Variants in ELMO1 observed in about 807,000 individuals in gnomAD.
The protein encoded by ELMO1 is engulfment and cell motility protein 1.
In ELMO1, 26 loss-of-function variants were observed where a neutral mutation model predicts 98.9. That is an observed-to-expected ratio of 0.26 (90% CI 0.19 to 0.36). The LOEUF (loss-of-function observed/expected upper bound fraction) is 0.36. ELMO1 is among the 10% of genes least tolerant of loss of function. The pLI, the probability that ELMO1 is intolerant of heterozygous loss-of-function variation, is 1.00. For synonymous variants in ELMO1, 346 were observed against 346.0 expected (o/e 1.00, Z 0.00); for missense variants, 627 against 935.2 (o/e 0.67, Z 4.30).
chr7:36,953,867 G>A (rs1488691017), intron 16 of ELMO1, among the ~76,000 whole-genome samples: 1 of 149,584 alleles, frequency 6.7e-6, no homozygotes, highest in Non-Finnish European at 1.5e-5. Context: ...GTGTGTGTGT[G>A]TGTGTGTGTG....
intron 15 of ELMO1, among the ~76,000 whole-genome samples, chr7:37,046,089 C>A (rs916027171): frequency 6.6e-6 from 1 of 152,216 alleles, no homozygotes; most frequent in African/African-American, 2.4e-5. Flanking sequence ...ACCATATCCA[C>A]CTTTACCTAC....
rs1048844794 is a variant in ELMO1 at position 36,861,640 on chromosome 7, T to C, written c.1983+19A>G. 3.1e-6 allele frequency: 5 copies of C among 1,605,658 alleles called. No homozygotes were observed. Among genetic ancestry groups the C allele is most frequent in the Non-Finnish European group, 3.4e-6 (4 of 1,175,576 alleles). ...AAAGATAACATTATCTCATAAATTA[T>C]CACCCCCGAGACCCTTACCTCATGC... On this transcript the variant is annotated intron_variant, in intron 21 of 21. Coordinates refer to ENST00000310758, the MANE Select transcript of ELMO1 (RefSeq NM_014800.11).
At chr7:37,206,886 G>T (rs1792657052) in intron 13 of ELMO1, among the ~76,000 whole-genome samples, 1 of 150,990 alleles carries the variant, frequency 6.6e-6, no homozygotes, top group African/African-American at 2.4e-5. Context: ...GGAAAACAAA[G>T]CAGCTAGAAA....
intron 13 of ELMO1, among the ~76,000 whole-genome samples, chr7:37,159,822 T>G (rs563697652): frequency 6.6e-6 from 1 of 152,220 alleles, no homozygotes; most frequent in Non-Finnish European, 1.5e-5. Flanking sequence ...TGTGCTATTT[T>G]ATTAATAGTC....
chr7:37,224,729 A>C (rs1793773090), intron 9 of ELMO1, 150 bp downstream of exon 9: 2 of 1,148,594 alleles, frequency 1.7e-6, no homozygotes, highest in Non-Finnish European at 2.5e-6. Flanking sequence ...ATGCCATTCC[A>C]GTGTGACACG....
intron 5 of ELMO1, among the ~76,000 whole-genome samples, chr7:37,264,374 C>A: frequency 6.6e-6 from 1 of 152,070 alleles, no homozygotes; most frequent in East Asian, 1.9e-4. Context: ...CACACATTTG[C>A]ATACAAATGG....
intron 12 of ELMO1, among the ~76,000 whole-genome samples, chr7:37,211,924 T>C (rs1312240195): frequency 2.0e-5 from 3 of 152,226 alleles, no homozygotes; most frequent in African/African-American, 4.8e-5. Context: ...AGTTACTTCA[T>C]GGAAACCAAC....
chr7:37,084,381 G>C (rs1026344956), intron 15 of ELMO1, among the ~76,000 whole-genome samples: 1 of 152,204 alleles, frequency 6.6e-6, no homozygotes, highest in South Asian at 2.1e-4. Flanking sequence ...CTTATTAAAT[G>C]CAGACTACAT....
chr7:37,248,767 A>G (rs935874484), intron 6 of ELMO1, among the ~76,000 whole-genome samples: 6 of 152,262 alleles, frequency 3.9e-5, no homozygotes, highest in African/African-American at 1.4e-4. Context: ...GGCAGCAAGT[A>G]GATGAATCGC....
intron 13 of ELMO1, among the ~76,000 whole-genome samples, chr7:37,166,678 T>A (rs1351355876): frequency 6.6e-6 from 1 of 152,236 alleles, no homozygotes; most frequent in Non-Finnish European, 1.5e-5. Flanking sequence ...TGAGTTCTAG[T>A]TTGATTGCAC....
chr7:37,204,318 T>C (rs1792478649), intron 13 of ELMO1: 1 of 434,990 alleles, frequency 2.3e-6, no homozygotes, highest in African/African-American at 2.0e-5. Context: ...GTTTCTTCCT[T>C]CTGGTGGGTT....
intron 13 of ELMO1, among the ~76,000 whole-genome samples, chr7:37,207,986 G>A (rs1006085436): frequency 1.3e-5 from 2 of 152,232 alleles, no homozygotes; most frequent in Non-Finnish European, 2.9e-5. Flanking sequence ...TTGGGATGTT[G>A]TGCTGAGAAG....
chr7:37,138,906 T>C, intron 13 of ELMO1, among the ~76,000 whole-genome samples: 1 of 152,172 alleles, frequency 6.6e-6, no homozygotes, highest in African/African-American at 2.4e-5. Flanking sequence ...CCAGGGATGC[T>C]GGGATGGTTT....
intron 16 of ELMO1, among the ~76,000 whole-genome samples, chr7:36,978,467 A>G (rs895806770): frequency 6.6e-6 from 1 of 152,016 alleles, no homozygotes; most frequent in African/African-American, 2.4e-5. Context: ...TGTGGAGAAG[A>G]AAGTCATCAA....
At chr7:37,132,173 G>A (rs566005942) in intron 14 of ELMO1, among the ~76,000 whole-genome samples, 1 of 152,314 alleles carries the variant, frequency 6.6e-6, no homozygotes, top group South Asian at 2.1e-4. Context: ...GATGATGATA[G>A]TGCCAGGCTC....
chr7:37,345,473 A>G (rs988546468), intron 1 of ELMO1, among the ~76,000 whole-genome samples: 7 of 152,012 alleles, frequency 4.6e-5, no homozygotes, highest in African/African-American at 1.7e-4. Context: ...ACACTTTGAG[A>G]CTGAGGCGGG....
intron 13 of ELMO1, among the ~76,000 whole-genome samples, chr7:37,170,038 A>C (rs1790044089): frequency 6.6e-6 from 1 of 152,038 alleles, no homozygotes; most frequent in Non-Finnish European, 1.5e-5. Context: ...AGTAGCTGCG[A>C]TTATAAGCAC....
chr7:36,932,694 A>G (rs986341286), intron 16 of ELMO1, among the ~76,000 whole-genome samples: 1 of 152,172 alleles, frequency 6.6e-6, no homozygotes, highest in Non-Finnish European at 1.5e-5. Flanking sequence ...ATGAGATCTG[A>G]TTTCATTCTT....
chr7:36,870,886 T>C lies in ELMO1; in HGVS notation c.1823-411A>G, dbSNP rs77848639. On this transcript the variant is annotated intron_variant, in intron 19 of 21. Coordinates refer to ENST00000310758, the MANE Select transcript of ELMO1 (RefSeq NM_014800.11). This position sits in a 1 kb window ranked among gnomAD's most constrained non-coding sequence, Gnocchi z 4.4. ...CAAGAGCAATGCCAAGTGCTTTACA[T>C]ATATCAGTGTCTCTTGTTACAGCAT... Among the ~76,000 whole-genome samples, 1,531 of 152,348 alleles carry C rather than the reference T, an allele frequency of 0.01. 33 individuals carry two copies. The highest frequency in any genetic ancestry group is 0.035 in the African/African-American group (1,462 of 41,572).
Sources: gnomAD v4.1 joint callset for allele counts (sites outside exome capture counted in the v4.1 genomes callset) on GRCh38, gnomAD v4.1.1 for gene constraint, Gnocchi (gnomAD v3.1) non-coding constraint, MANE v1.5 for transcripts, NCBI Gene and HGNC (gene_info 2026-07-23, HGNC 2026-07-21) for gene names.